Variants in RPS6KA5 observed in about 807,000 individuals in gnomAD.
The protein encoded by RPS6KA5 is ribosomal protein S6 kinase A5, also known as ribosomal protein S6 kinase alpha-5.
In RPS6KA5, 27 loss-of-function variants were observed where a neutral mutation model predicts 85.5. The ratio of observed to expected loss-of-function variants is 0.32; its 90% CI spans 0.23 to 0.44. The LOEUF (loss-of-function observed/expected upper bound fraction) is 0.44, where lower values mean the gene tolerates loss of function less well. Among genes scored for constraint, RPS6KA5 ranks in the 20% least tolerant of loss-of-function variants. The pLI is 1.00. For synonymous variants in RPS6KA5, 334 were observed against 348.2 expected, an observed-to-expected ratio of 0.96 and a Z score of 0.46; for missense variants, 811 against 980.9, an observed-to-expected ratio of 0.83 and a Z score of 2.31.
At position 91,049,613 on chromosome 14, in the gene RPS6KA5, T is replaced by C. The variant is rs1211300530; in HGVS notation, c.103+10719A>G. Among the ~76,000 whole-genome samples, 6 of 150,798 alleles carry C rather than the reference T, an allele frequency of 4.0e-5. No individual in the cohort carries two copies. In the East Asian group the frequency reaches 1.2e-3, roughly 29 times the overall value. On this transcript the variant is annotated intron_variant, in intron 1 of 16. Transcript: ENST00000614987. ...CTGGGCGACAGAGCAAGACTCTGTCTCAAAAAAAAAGAAAAAAGAAAAAAG... is the reference window on the plus strand; with the variant it reads ...CTGGGCGACAGAGCAAGACTCTGTCCCAAAAAAAAAGAAAAAAGAAAAAAG...
rs981269411 is a variant in RPS6KA5 at position 90,871,827 on chromosome 14, T to G, written c.*247A>C. 1.9e-5 allele frequency: 7 copies of G among 367,766 alleles called. No homozygotes were observed. The highest frequency in any genetic ancestry group is 5.7e-5 in the South Asian group (1 of 17,664). 22.8% of individuals were successfully genotyped at this position (367,766 alleles called of 1,614,324 possible). The stretch of plus-strand genomic sequence containing the variant: ...TTAAATTTACAGGAACCTTTGCTCT[T>G]TCAAGAATAGTCTTGTTGGCATCAT... On this transcript the variant is annotated 3_prime_UTR_variant, in exon 17 of 17. Transcript: ENST00000614987.
chr14:91,048,275 G>C (rs892366955), intron 1 of RPS6KA5, among the ~76,000 whole-genome samples: 1 of 152,106 alleles, frequency 6.6e-6, no homozygotes, highest in African/African-American at 2.4e-5. Context: ...ATTATTTTAA[G>C]TACCAAATTC....
In RPS6KA5 at chr14:90,865,871, A is replaced by G. The variant is rs1302907459; in HGVS notation, c.*6203T>C. The G allele has an allele frequency of 6.6e-6, 1 of 152,190 alleles. No individual in the cohort carries two copies. Among genetic ancestry groups the G allele is most frequent in the East Asian group, 1.9e-4 (1 of 5,198 alleles). 9.4% of individuals were successfully genotyped at this position (152,190 alleles called of 1,614,324 possible). Reference sequence around the variant, plus strand: ...GGGCACTGAAATAACATTTTTGTAAAGTAGCCTTCTCTATGTTGATTGCAG... The same window carrying G: ...GGGCACTGAAATAACATTTTTGTAAGGTAGCCTTCTCTATGTTGATTGCAG... On this transcript the variant is annotated 3_prime_UTR_variant, in exon 17 of 17. Transcript: ENST00000614987.
intron 3 of RPS6KA5, among the ~76,000 whole-genome samples, chr14:90,971,277 A>C (rs1323493352): frequency 6.6e-6 from 1 of 152,180 alleles, no homozygotes; most frequent in Non-Finnish European, 1.5e-5. Context: ...AGATCACGCC[A>C]CTGCACTCCA....
intron 1 of RPS6KA5, among the ~76,000 whole-genome samples, chr14:91,009,116 T>G (rs1443754204): frequency 6.6e-6 from 1 of 152,222 alleles, no homozygotes; most frequent in Non-Finnish European, 1.5e-5. Context: ...TGGCCCCTGC[T>G]ATGGTGTGAA....
chr14:91,029,893 T>G (rs892450734), intron 1 of RPS6KA5, among the ~76,000 whole-genome samples: 2 of 152,142 alleles, frequency 1.3e-5, no homozygotes, highest in Non-Finnish European at 2.9e-5. Context: ...AACATTTCCA[T>G]ACCCCCAAAC....
intron 1 of RPS6KA5, among the ~76,000 whole-genome samples, chr14:91,041,883 C>A (rs2042617204): frequency 6.6e-6 from 1 of 152,126 alleles, no homozygotes; most frequent in Non-Finnish European, 1.5e-5. Flanking sequence ...ATGATTGAGC[C>A]AGTATGAAAG....
At position 90,853,680 on chromosome 14, in the gene RPS6KA5, A is replaced by AAC. The variant is rs1310929265; in HGVS notation, c.*18393_*18394insGT. 8.6e-5 allele frequency: 13 copies of AAC among 151,370 alleles called. No homozygotes were observed. In the East Asian group the frequency reaches 1.7e-3, roughly 20 times the overall value. 9.4% of individuals were successfully genotyped at this position (151,370 alleles called of 1,614,324 possible). ...CTCTACTAAAAATACAAAAAAAAAA[A>AAC]AAAAAACCCTAAAATTTAACACTAT... On this transcript the variant is annotated 3_prime_UTR_variant, in exon 17 of 17. Coordinates refer to ENST00000614987, the MANE Select transcript of RPS6KA5 (RefSeq NM_004755.4).
At chr14:90,994,556 T>C (rs1363702997) in intron 2 of RPS6KA5, among the ~76,000 whole-genome samples, 1 of 149,324 alleles carries the variant, frequency 6.7e-6, no homozygotes, top group Non-Finnish European at 1.5e-5. Context: ...TCTTGGATGT[T>C]TGTGATTTTT....
At position 91,056,867 on chromosome 14, in the gene RPS6KA5, CTTTTTTTTTTTT is replaced by C. The variant is rs34807092; in HGVS notation, c.103+3453_103+3464del. ...ACTGTTATACTTAAGGCAGTATTAT[CTTTTTTTTTTTT>C]TTTTTTTTTTTTTTTTTGGAGATGG... On this transcript the variant is annotated intron_variant, in intron 1 of 16. Coordinates refer to ENST00000614987, the MANE Select transcript of RPS6KA5 (RefSeq NM_004755.4). Among the ~76,000 whole-genome samples, 213 of 38,890 alleles carry C rather than the reference CTTTTTTTTTTTT, an allele frequency of 5.5e-3. 1 individual carries two copies. The Middle Eastern group carries it at 0.1, about 18-fold the overall frequency. 25.5% of individuals were successfully genotyped at this position (38,890 alleles called of 152,430 possible). A position where few individuals can be genotyped will look rare whatever the true frequency, so the allele number is the denominator to read the frequency against.
At position 90,851,075 on chromosome 14, in the gene RPS6KA5, C is replaced by G. The variant is rs1324535993; in HGVS notation, c.*20999G>C. 6.6e-6 allele frequency: 1 copy of G among 151,890 alleles called. No homozygotes were observed. Among genetic ancestry groups the G allele is most frequent in the Non-Finnish European group, 1.5e-5 (1 of 67,994 alleles). The allele number at this position is 151,890 out of a possible 1,614,324, so 9.4% of individuals were successfully genotyped here. ...TTTTTTGAGACAGAGTCTCACTCTGCCCCCCAGGCTGGAGTGCAGTGGCGT... is the reference window on the plus strand; with the variant it reads ...TTTTTTGAGACAGAGTCTCACTCTGGCCCCCAGGCTGGAGTGCAGTGGCGT... On this transcript the variant is annotated 3_prime_UTR_variant, in exon 17 of 17. Transcript: ENST00000614987.
chr14:90,979,308 G>A (rs1223695191), intron 2 of RPS6KA5, among the ~76,000 whole-genome samples: 1 of 152,236 alleles, frequency 6.6e-6, no homozygotes, highest in East Asian at 1.9e-4. Context: ...AAGGAAGAGG[G>A]AGGAAGAAGG....
intron 2 of RPS6KA5, among the ~76,000 whole-genome samples, chr14:90,996,183 TG>T (rs1224271802): frequency 3.3e-5 from 5 of 151,412 alleles, no homozygotes; most frequent in African/African-American, 9.8e-5. Context: ...CAGGCTAATT[TG>T]TTTTTTTTGT....
At chr14:90,982,054 A>G (rs1336995972) in intron 2 of RPS6KA5, among the ~76,000 whole-genome samples, 2 of 152,180 alleles carry the variant, frequency 1.3e-5, no homozygotes, top group Non-Finnish European at 2.9e-5. Context: ...GAATAATGCT[A>G]TCTATTCCAG....
At chr14:91,044,871 AAAAAAAAAAAG>A (rs1302334307) in intron 1 of RPS6KA5, among the ~76,000 whole-genome samples, 3 of 151,878 alleles carry the variant, frequency 2.0e-5, no homozygotes, top group African/African-American at 7.2e-5. Flanking sequence ...ACGTGTCAAA[AAAAAAAAAAAG>A]AAAAAAAAAG....
At chr14:90,901,803 T>C (rs148491807) in intron 9 of RPS6KA5, among the ~76,000 whole-genome samples, 206 of 151,432 alleles carry the variant, frequency 1.4e-3, no homozygotes, top group African/African-American at 4.6e-3. Context: ...TTTCTAAATA[T>C]AAAATCTAAA....
chr14:90,940,981 G>A (rs747692026), intron 5 of RPS6KA5, among the ~76,000 whole-genome samples: 4 of 152,100 alleles, frequency 2.6e-5, no homozygotes, highest in Non-Finnish European at 4.4e-5. Flanking sequence ...CCAGTCCCTA[G>A]TGCCAAAAAA....
intron 1 of RPS6KA5, among the ~76,000 whole-genome samples, chr14:91,012,597 A>T (rs1406278671): frequency 2.0e-5 from 3 of 152,230 alleles, no homozygotes; most frequent in Non-Finnish European, 2.9e-5. Flanking sequence ...CTGTCTGCCC[A>T]GGTTTCCCTC....
chr14:90,945,727 A>G lies in RPS6KA5; in HGVS notation c.510+1708T>C, dbSNP rs10138546. Among the ~76,000 whole-genome samples, 1,479 of 152,212 alleles carry G rather than the reference A, an allele frequency of 9.7e-3. 10 individuals carry two copies. Among genetic ancestry groups the G allele is most frequent in the South Asian group, 0.034 (164 of 4,816 alleles). On this transcript the variant is annotated intron_variant, in intron 4 of 16. Transcript: ENST00000614987. ...AAGTTTCACATAAATTAAAAACCGG[A>G]TTTTCGGACAAGCACAGTGGCTCAT...
Sources: allele counts gnomAD v4.1 joint callset (sites outside exome capture counted in the v4.1 genomes callset), GRCh38; gene constraint gnomAD v4.1.1; transcripts MANE v1.5; gene names NCBI Gene and HGNC (gene_info 2026-07-23, HGNC 2026-07-21).